The following BICDL1 variants were observed in gnomAD, a reference collection of about 807,000 sequenced individuals.
The protein encoded by BICDL1 is BICD family-like cargo adapter 1.
Under a neutral mutation model 76.8 loss-of-function variants are expected in BICDL1, and 20 were observed. That is an observed-to-expected ratio of 0.26 (90% confidence interval 0.18 to 0.38). The LOEUF is 0.38. BICDL1 is among the 10% of genes least tolerant of loss of function. The probability of loss-of-function intolerance (pLI) is 1.00; values close to 1 mark genes in which losing one functional copy is unlikely to be tolerated. For missense variants in BICDL1, 700 were observed against 798.6 expected (o/e 0.88, Z 1.49); for synonymous variants, 383 against 337.1 (o/e 1.14, Z -1.49).
intron 4 of BICDL1, among the ~76,000 whole-genome samples, chr12:120,070,057 A>G (rs1872969986): frequency 6.6e-6 from 1 of 152,174 alleles, no homozygotes; most frequent in Non-Finnish European, 1.5e-5. Context: ...TCTTATTAGC[A>G]TTTGGATTGT....
intron 2 of BICDL1, among the ~76,000 whole-genome samples, chr12:120,032,998 G>C (rs1467696488): frequency 6.6e-6 from 1 of 152,118 alleles, no homozygotes; most frequent in Non-Finnish European, 1.5e-5. Context: ...GCTGGCCTCA[G>C]CCTCCCAAAG....
intron 1 of BICDL1, among the ~76,000 whole-genome samples, chr12:119,995,054 T>C (rs929181327): frequency 2.0e-5 from 3 of 152,222 alleles, no homozygotes; most frequent in Non-Finnish European, 2.9e-5. Flanking sequence ...AGGCTCCTCT[T>C]AGCTGTGACT....
At chr12:120,070,637 A>G (rs1873013375) in intron 4 of BICDL1, among the ~76,000 whole-genome samples, 1 of 152,054 alleles carries the variant, frequency 6.6e-6, no homozygotes, top group Admixed American at 6.6e-5. Flanking sequence ...TCAGATTTTC[A>G]CTTGTCTTAT....
intron 2 of BICDL1, among the ~76,000 whole-genome samples, chr12:120,023,884 C>G (rs1468051751): frequency 6.6e-6 from 1 of 151,902 alleles, no homozygotes; most frequent in Non-Finnish European, 1.5e-5. Flanking sequence ...GAAAGTGAGG[C>G]AGAGCTGACA....
chr12:119,999,811 A>G (rs763289311), intron 2 of BICDL1: 6 of 443,922 alleles, frequency 1.4e-5, no homozygotes, highest in African/African-American at 1.0e-4. Context: ...TTGTATATTG[A>G]AAATAAAACT....
intron 2 of BICDL1, among the ~76,000 whole-genome samples, chr12:120,051,385 G>A (rs2068325845): frequency 6.6e-6 from 1 of 152,152 alleles, no homozygotes; most frequent in African/African-American, 2.4e-5. Context: ...TCTAAACATA[G>A]CAGCGTTGTC....
chr12:120,086,341 C>T (rs1050606028), intron 8 of BICDL1, among the ~76,000 whole-genome samples: 3 of 152,204 alleles, frequency 2.0e-5, no homozygotes, highest in African/African-American at 4.8e-5. Flanking sequence ...AAACCACACC[C>T]CCCATTTGTA....
rs921734033 is a variant in BICDL1, at chr12:120,058,079, C to T, written c.646-3631C>T. Among the ~76,000 whole-genome samples the T allele has an allele frequency of 9.9e-5, 15 of 151,858 alleles. No homozygotes were observed. In the East Asian group the frequency reaches 2.5e-3, roughly 25 times the overall value. ...CGATCTCCTGACCTCGCGATCCACC[C>T]GCCTCGGCCTCCCAAAGTTCTGGGA... On this transcript the variant is annotated intron_variant, in intron 2 of 9. Coordinates refer to ENST00000548673, the MANE Select transcript of BICDL1 (RefSeq NM_001367886.1).
chr12:120,081,349 CTTTT>C (rs1184204926), intron 8 of BICDL1, among the ~76,000 whole-genome samples: 8 of 116,960 alleles, frequency 6.8e-5, no homozygotes, highest in Non-Finnish European at 1.2e-4. Flanking sequence ...AAGAGCTTTC[CTTTT>C]TTTTTTTTTT....
rs927423450 is a variant in BICDL1, at chr12:120,008,311, A to T, written c.645+9575A>T. ...GTGGCTGGGACTACAGCTGTAAGCC[A>T]CCATTCTTGGCTAATTTTTTATACT... On this transcript the variant is annotated intron_variant, in intron 2 of 9. Coordinates refer to ENST00000548673, the MANE Select transcript of BICDL1 (RefSeq NM_001367886.1). Among the ~76,000 whole-genome samples, 12 of 151,978 alleles carry T rather than the reference A, an allele frequency of 7.9e-5. No homozygotes were observed. In the East Asian group the frequency reaches 9.7e-4, roughly 12 times the overall value.
intron 1 of BICDL1, chr12:119,993,418 G>C (rs939676093): frequency 1.3e-5 from 2 of 152,084 alleles, no homozygotes; most frequent in African/African-American, 4.8e-5. Context: ...ACACTATTGT[G>C]TCATTAAAGG....
intron 8 of BICDL1, among the ~76,000 whole-genome samples, chr12:120,087,306 T>G (rs541957170): frequency 3.3e-5 from 5 of 152,282 alleles, no homozygotes; most frequent in Admixed American, 3.3e-4. Context: ...GTGGCTGAGC[T>G]GTCTGGAGCG....
Position 119,989,874 on chromosome 12 carries a change from C to A in BICDL1, c.6C>A (p.Ser2=), listed in dbSNP as rs1401489922. Reference sequence around the variant, plus strand: ...GGGCTCCGCGCGCGCGGGCCATGTCCGCTTTCTGCCTGGGCTTGGTCGGCC... The same window carrying A: ...GGGCTCCGCGCGCGCGGGCCATGTCAGCTTTCTGCCTGGGCTTGGTCGGCC... M[S]AFCLGLVGRA... is the part of the protein sequence containing the mutation. Residue 2 remains serine, a synonymous_variant, in exon 1 of 10, where the codon TCC becomes TCA. Coordinates refer to ENST00000548673, the MANE Select transcript of BICDL1 (RefSeq NM_001367886.1). 2.1e-6 allele frequency: 3 copies of A among 1,413,408 alleles called. No homozygotes were observed. The highest frequency in any genetic ancestry group is 1.8e-6 in the Non-Finnish European group (2 of 1,095,210). The allele number at this position is 1,413,408 out of a possible 1,614,324, so 87.6% of individuals were successfully genotyped here. A position where few individuals can be genotyped will look rare whatever the true frequency, so the allele number is the denominator to read the frequency against.
At chr12:119,999,481 T>G (rs1329345467) in intron 2 of BICDL1, among the ~76,000 whole-genome samples, 1 of 152,256 alleles carries the variant, frequency 6.6e-6, no homozygotes, top group Non-Finnish European at 1.5e-5. Context: ...TTATTGATGT[T>G]GCATTTGTGA....
At chr12:120,060,534 A>C (rs1351856964) in intron 2 of BICDL1, among the ~76,000 whole-genome samples, 3 of 152,240 alleles carry the variant, frequency 2.0e-5, no homozygotes, top group African/African-American at 7.2e-5. Flanking sequence ...TTGGGAAACA[A>C]AGATGATTCA....
In BICDL1 at chr12:120,071,737, C is replaced by T. The variant is rs777937540; in HGVS notation, c.1025C>T (p.Thr342Ile). ...CTGCAGAGCTCTGCCGCCACCAGCA[C>T]ATCCCTCCTGTCAGAGATCGAGCAG... is the stretch of plus-strand genomic sequence containing the variant. ...RSLQSSAATSTSLLSEIEQSM... is the reference protein window; with the variant it reads ...RSLQSSAATSISLLSEIEQSM... Residue 342 changes from threonine to isoleucine, a missense_variant, in exon 5 of 10, where the codon ACA (threonine) becomes ATA (isoleucine). By Grantham distance (89) the Thr-to-Ile change is moderately conservative (BLOSUM62 -1). Around this residue, in one of 3 missense-constraint regions of BICDL1, gnomAD observed 455 missense variants for 548.7 expected, o/e 0.83. Coordinates refer to ENST00000548673, the MANE Select transcript of BICDL1 (RefSeq NM_001367886.1). This position sits in a 1 kb window ranked among gnomAD's most constrained non-coding sequence, Gnocchi z 4.8. The T allele has an allele frequency of 5.6e-6, 9 of 1,612,348 alleles. No homozygotes were observed. The South Asian group carries it at 9.9e-5, about 18-fold the overall frequency.
intron 1 of BICDL1, among the ~76,000 whole-genome samples, chr12:119,997,988 C>T (rs1239489419): frequency 6.6e-6 from 1 of 152,110 alleles, no homozygotes; most frequent in African/African-American, 2.4e-5. Context: ...ATGGCGCATT[C>T]CTGTAATTCC....
At chr12:120,038,256 G>A (rs750471092) in intron 2 of BICDL1, among the ~76,000 whole-genome samples, 15 of 152,170 alleles carry the variant, frequency 9.9e-5, no homozygotes, top group Admixed American at 3.9e-4. Flanking sequence ...AGGGCTAGCC[G>A]TAACTACACC....
At chr12:120,065,469 A>C (rs1953200598) in intron 4 of BICDL1, among the ~76,000 whole-genome samples, 1 of 152,158 alleles carries the variant, frequency 6.6e-6, no homozygotes, top group Admixed American at 6.6e-5. Flanking sequence ...GGGAACTGCT[A>C]CCGGGCCTCA....
Sources: allele counts gnomAD v4.1 joint callset (sites outside exome capture counted in the v4.1 genomes callset), GRCh38; gene constraint gnomAD v4.1.1; regional missense constraint gnomAD v4.1.1; non-coding constraint Gnocchi (gnomAD v3.1); transcripts MANE v1.5; gene names NCBI Gene and HGNC (gene_info 2026-07-23, HGNC 2026-07-21).